SPTLC1: variants seen among roughly 807,000 people sequenced by gnomAD.
SPTLC1 encodes serine palmitoyltransferase 1.
SPTLC1 carries 55 observed loss-of-function variants against 68.9 expected under a neutral mutation model. The ratio of observed to expected loss-of-function variants is 0.80; its 90% confidence interval spans 0.64 to 1.00. The LOEUF (loss-of-function observed/expected upper bound fraction) is 1.00. Among genes scored for constraint, SPTLC1 ranks in the 50% least tolerant of loss-of-function variants. The probability of loss-of-function intolerance (pLI) is 0.00; values close to 1 mark genes in which losing one functional copy is unlikely to be tolerated. For synonymous variants in SPTLC1, 197 were observed against 201.6 expected, an observed-to-expected ratio of 0.98 and a Z score of 0.19; for missense variants, 449 against 573.1, an observed-to-expected ratio of 0.78 and a Z score of 2.21.
chr9:92,109,546 G>C (rs1836145398), intron 2 of SPTLC1: 1 of 152,138 alleles, frequency 6.6e-6, no homozygotes. Flanking sequence ...ACAAATCTCA[G>C]AATATTTCGA....
intron 13 of SPTLC1, among the ~76,000 whole-genome samples, 181 bp from the exon 14 acceptor site, chr9:92,035,064 A>C (rs915513081): frequency 6.6e-6 from 1 of 152,212 alleles, no homozygotes; most frequent in African/African-American, 2.4e-5. Context: ...AACTTTCTGC[A>C]ATGACAAATA....
intron 12 of SPTLC1, among the ~76,000 whole-genome samples, chr9:92,041,193 T>C (rs1481363002): frequency 6.6e-6 from 1 of 152,144 alleles, no homozygotes; most frequent in Non-Finnish European, 1.5e-5. Flanking sequence ...TGACTTCCTT[T>C]CCCAAACTCA....
At chr9:92,044,538 G>A (rs1587911171) in intron 12 of SPTLC1, among the ~76,000 whole-genome samples, 2 of 152,230 alleles carry the variant, frequency 1.3e-5, no homozygotes, top group Non-Finnish European at 2.9e-5. Context: ...ACGTGGAGAT[G>A]ATAGCTACTG....
intron 3 of SPTLC1, among the ~76,000 whole-genome samples, chr9:92,092,741 C>A (rs1156288853): frequency 6.6e-6 from 1 of 151,950 alleles, no homozygotes; most frequent in Non-Finnish European, 1.5e-5. Flanking sequence ...CCTCCCTCCC[C>A]CCAAAAAAAG....
At chr9:92,044,530 G>A (rs967623606) in intron 12 of SPTLC1, among the ~76,000 whole-genome samples, 10 of 152,204 alleles carry the variant, frequency 6.6e-5, no homozygotes, top group Non-Finnish European at 1.0e-4. Flanking sequence ...AAGTGAAGAC[G>A]TGGAGATGAT....
intron 3 of SPTLC1, among the ~76,000 whole-genome samples, chr9:92,101,084 A>G (rs1183589125): frequency 2.6e-5 from 4 of 152,260 alleles, no homozygotes; most frequent in African/African-American, 7.2e-5. Context: ...TTGCACAATA[A>G]TTCTTCACAA....
At chr9:92,060,524 A>G (rs540917639) in intron 6 of SPTLC1, among the ~76,000 whole-genome samples, 6 of 152,184 alleles carry the variant, frequency 3.9e-5, no homozygotes, top group Non-Finnish European at 8.8e-5. Context: ...CTGAAAAACT[A>G]AATTACTAAA....
At chr9:92,050,658 A>C (rs1833673933) in intron 8 of SPTLC1, among the ~76,000 whole-genome samples, 1 of 152,178 alleles carries the variant, frequency 6.6e-6, no homozygotes. Context: ...AGAGGAACCT[A>C]ACCCTATTAT....
At chr9:92,056,027 G>T (rs192150195) in intron 7 of SPTLC1, among the ~76,000 whole-genome samples, 1 of 152,228 alleles carries the variant, frequency 6.6e-6, no homozygotes, top group East Asian at 1.9e-4. Context: ...GGGTACAGGG[G>T]GCTTCACTAT....
At chr9:92,038,187 A>C (rs1348344545) in intron 13 of SPTLC1, 61 bp downstream of exon 13, 4 of 1,133,464 alleles carry the variant, frequency 3.5e-6, no homozygotes, top group African/African-American at 1.5e-5. Flanking sequence ...AACATTAAAA[A>C]ATTGCTTGGG....
At chr9:92,032,786 G>A (rs1833014727) in intron 14 of SPTLC1, among the ~76,000 whole-genome samples, 1 of 151,510 alleles carries the variant, frequency 6.6e-6, no homozygotes, top group Non-Finnish European at 1.5e-5. Context: ...TGAGGCAGGA[G>A]AATGGCGTGA....
At chr9:92,074,188 T>TA (rs537426606) in intron 5 of SPTLC1, among the ~76,000 whole-genome samples, 116 of 152,128 alleles carry the variant, frequency 7.6e-4, no homozygotes, top group Middle Eastern at 3.4e-3. Context: ...TCTTAATCGA[T>TA]ACGGGGGCTA....
intron 8 of SPTLC1, chr9:92,055,188 T>C (rs1430265381): frequency 3.1e-6 from 3 of 975,076 alleles, no homozygotes; most frequent in Non-Finnish European, 3.7e-6. Context: ...TTCACACCAC[T>C]GCACTCCAGC....
At chr9:92,095,430 G>C (rs1430309832) in intron 3 of SPTLC1, among the ~76,000 whole-genome samples, 1 of 152,180 alleles carries the variant, frequency 6.6e-6, no homozygotes, top group African/African-American at 2.4e-5. Context: ...AGGATTCTTT[G>C]CAGCAGTGGG....
At chr9:92,046,310 T>C (rs1464223319) in intron 11 of SPTLC1, 16 of 493,256 alleles carry the variant, frequency 3.2e-5, no homozygotes, top group Non-Finnish European at 5.4e-5. Flanking sequence ...CAATGCCTCT[T>C]GTTCTCATCA....
chr9:92,033,714 C>T (rs1239872682), intron 14 of SPTLC1, among the ~76,000 whole-genome samples: 1 of 152,134 alleles, frequency 6.6e-6, no homozygotes, highest in East Asian at 1.9e-4. Flanking sequence ...CACCACTATG[C>T]CTGGCTAATT....
intron 5 of SPTLC1, among the ~76,000 whole-genome samples, chr9:92,070,472 A>G (rs1175550051): frequency 6.6e-6 from 1 of 152,268 alleles, no homozygotes; most frequent in Non-Finnish European, 1.5e-5. Flanking sequence ...TAAACACGGC[A>G]GAGAAGTGAC....
At chr9:92,094,993 A>C (rs1222766144) in intron 3 of SPTLC1, among the ~76,000 whole-genome samples, 1 of 152,230 alleles carries the variant, frequency 6.6e-6, no homozygotes, top group Admixed American at 6.5e-5. Context: ...CAAAGATTTT[A>C]AACTAGGGAA....
intron 3 of SPTLC1, among the ~76,000 whole-genome samples, chr9:92,095,664 G>C (rs968357427): frequency 2.0e-5 from 3 of 152,146 alleles, no homozygotes; most frequent in African/African-American, 7.2e-5. Context: ...AGCACACTCA[G>C]AAAGCAAATG....
Sources: gnomAD v4.1 joint callset for allele counts (sites outside exome capture counted in the v4.1 genomes callset) on GRCh38, gnomAD v4.1.1 for gene constraint, MANE v1.5 for transcripts, NCBI Gene and HGNC (gene_info 2026-07-23, HGNC 2026-07-21) for gene names.